The following CA14 variants were observed in gnomAD, a reference collection of about 807,000 sequenced individuals.
The protein encoded by CA14 is CA-XIV.
A neutral mutation model predicts 48.8 loss-of-function variants in CA14; 44 were observed. The ratio of observed to expected loss-of-function variants is 0.90; its 90% CI spans 0.71 to 1.16. The LOEUF is 1.16. CA14 is among the 50% of genes most tolerant of loss of function. The pLI is 0.00. For synonymous variants in CA14, 154 were observed against 155.0 expected (o/e 0.99, Z 0.05); for missense variants, 386 against 401.0 (o/e 0.96, Z 0.32).
intron 7 of CA14, 26 bp from the exon 8 acceptor site, chr1:150,263,273 A>C: frequency 6.2e-7 from 1 of 1,613,434 alleles, no homozygotes; most frequent in Non-Finnish European, 8.5e-7. Context: ...CCAAAGTAAC[A>C]CCTCTCCCAC....
At chr1:150,260,399 G>A in intron 2 of CA14, 1 of 637,232 alleles carries the variant, frequency 1.6e-6, no homozygotes, top group East Asian at 2.9e-5. Flanking sequence ...TAAGTCCTCA[G>A]TAAATCGTGT....
intron 10 of CA14, 66 bp from the exon 11 acceptor site, chr1:150,264,524 TCTC>T (rs1186053242): frequency 2.0e-5 from 18 of 892,486 alleles, no homozygotes; most frequent in African/African-American, 1.7e-5. Context: ...TAAAAAGCAT[TCTC>T]CTATTTCACC....
chr1:150,262,262 T>A lies in CA14; in HGVS notation c.361T>A (p.Ser121Thr). 1 of 1,610,112 alleles carries A rather than the reference T, an allele frequency of 6.2e-7. No individual in the cohort carries two copies. Among genetic ancestry groups the A allele is most frequent in the Non-Finnish European group, 8.5e-7 (1 of 1,178,274 alleles). ...GGGTCAGAAAGGATCCCCAGGGGGG[T>A]CAGAACACCAGATCAACAGTGAAGC... ...HWGQKGSPGG[S>T]EHQINSEATF... The change falls in exon 4 of 11, where the codon TCA becomes ACA. Residue 121 changes from serine to threonine, a missense_variant. Transcript: ENST00000369111.
In CA14 at chr1:150,262,144, T is replaced by C; in HGVS notation, c.257-14T>C. 1 of 1,614,142 alleles carries C rather than the reference T, an allele frequency of 6.2e-7. No individual in the cohort carries two copies. Among genetic ancestry groups the C allele is most frequent in the East Asian group, 2.2e-5 (1 of 44,878 alleles). On this transcript the variant is annotated splice_polypyrimidine_tract_variant and intron_variant, in intron 3 of 10. Coordinates refer to ENST00000369111, the MANE Select transcript of CA14 (RefSeq NM_012113.3). Reference sequence around the variant, plus strand: ...CATGCCTCCACCAATCCGAGTTTGCTCTTTTCCTCACAGTGCAACTCTCTC... The same window carrying C: ...CATGCCTCCACCAATCCGAGTTTGCCCTTTTCCTCACAGTGCAACTCTCTC...
At position 150,261,568 on chromosome 1, in the gene CA14, T is replaced by G; in HGVS notation, c.186T>G (p.Pro62=). The change falls in exon 3 of 11, where the codon CCT becomes CCG. Residue 62 remains proline (P), a synonymous_variant. Transcript: ENST00000369111. ...GTGTGACATTTGACCCTGATTTGCC[T>G]GCTCTGCAGCCCCACGGATATGACC... ...TDSVTFDPDL[P]ALQPHGYDQP... is the part of the protein sequence containing the mutation. 1 of 1,614,218 alleles carries G rather than the reference T, an allele frequency of 6.2e-7. No individual in the cohort carries two copies. The highest frequency in any genetic ancestry group is 8.5e-7 in the Non-Finnish European group (1 of 1,180,046).
chr1:150,262,226 C>T lies in CA14; in HGVS notation c.325C>T (p.His109Tyr), dbSNP rs1572068020. Reference sequence around the variant, plus strand: ...CCGAAAATATGTAGCTGCCCAGCTCCACCTGCACTGGGGTCAGAAAGGATC... The same window carrying T: ...CCGAAAATATGTAGCTGCCCAGCTCTACCTGCACTGGGGTCAGAAAGGATC... ...LPRKYVAAQLHLHWGQKGSPG... is the reference protein window; with the variant it reads ...LPRKYVAAQLYLHWGQKGSPG... Residue 109 changes from histidine to tyrosine, a missense_variant, in exon 4 of 11, where the codon CAC becomes TAC. Transcript: ENST00000369111. 1 of 1,613,936 alleles carries T rather than the reference C, an allele frequency of 6.2e-7. No individual in the cohort carries two copies. Among genetic ancestry groups the T allele is most frequent in the Non-Finnish European group, 8.5e-7 (1 of 1,179,788 alleles).
intron 4 of CA14, 93 bp downstream of exon 4, chr1:150,262,393 G>T: frequency 6.6e-7 from 1 of 1,519,466 alleles, no homozygotes; most frequent in African/African-American, 1.4e-5. Flanking sequence ...GTCATGCTGG[G>T]GGGATAAGGC....
At chr1:150,263,446 G>A in intron 8 of CA14, 27 bp downstream of exon 8, 2 of 1,612,310 alleles carry the variant, frequency 1.2e-6, no homozygotes, top group Non-Finnish European at 1.7e-6. Flanking sequence ...CAGAAGAGAT[G>A]GGAAACTGAG....
At chr1:150,264,298 G>A (rs1333277721) in intron 10 of CA14, among the ~76,000 whole-genome samples, 1 of 152,032 alleles carries the variant, frequency 6.6e-6, no homozygotes, top group African/African-American at 2.4e-5. Flanking sequence ...CACCTCCCGG[G>A]CTCAAGTGGT....
chr1:150,262,045 T>A, intron 3 of CA14, 113 bp from the exon 4 acceptor site: 1 of 1,226,808 alleles, frequency 8.2e-7, no homozygotes, highest in Admixed American at 1.8e-5. Flanking sequence ...AACTGGGTGC[T>A]ACTGGGGGAG....
intron 10 of CA14, among the ~76,000 whole-genome samples, chr1:150,264,296 G>A (rs373804266): frequency 5.9e-5 from 9 of 152,034 alleles, no homozygotes; most frequent in East Asian, 3.9e-4. Context: ...TCCACCTCCC[G>A]GGCTCAAGTG....
At chr1:150,260,518 A>T (rs587731618) in intron 2 of CA14, 13 of 398,662 alleles carry the variant, frequency 3.3e-5, no homozygotes, top group South Asian at 1.9e-4. Context: ...CCTAACCTGC[A>T]TCTGAAATTG....
intron 1 of CA14, 69 bp downstream of exon 1, chr1:150,258,252 G>T (rs1280106377): frequency 1.1e-4 from 144 of 1,329,090 alleles, no homozygotes; most frequent in Non-Finnish European, 1.5e-4. Flanking sequence ...GTGCTTAATG[G>T]GGGGAGGAGA....
At chr1:150,261,427 A>G (rs1158447929) in intron 2 of CA14, 32 bp from the exon 3 acceptor site, 2 of 1,600,828 alleles carry the variant, frequency 1.2e-6, no homozygotes. Flanking sequence ...GAGCTGGAGG[A>G]CAGGACCAAT....
In CA14 at chr1:150,262,857, A is replaced by T. The variant is rs1651183884; in HGVS notation, c.549A>T (p.Glu183Asp). 1 of 1,612,616 alleles carries T rather than the reference A, an allele frequency of 6.2e-7. No homozygotes were observed. The highest frequency in any genetic ancestry group is 1.3e-5 in the African/African-American group (1 of 75,004). ...AACACATTCTGAGTCACTTGCATGAAGTCAGGCATAAAGGTGAGCCTTAAA... is the reference window on the plus strand; with the variant it reads ...AACACATTCTGAGTCACTTGCATGATGTCAGGCATAAAGGTGAGCCTTAAA... ...AYEHILSHLH[E>D]VRHKDQKTSV... Residue 183 changes from glutamate to aspartate, a missense_variant, in exon 6 of 11, where the codon GAA (glutamate) becomes GAT (aspartate). Glu to Asp is a conservative substitution (Grantham distance 45). Transcript: ENST00000369111.
intron 2 of CA14, chr1:150,261,184 G>A (rs1196251420): frequency 2.2e-6 from 1 of 452,970 alleles, no homozygotes; most frequent in Non-Finnish European, 4.0e-6. Context: ...CAAAATACAG[G>A]TAAGTAAAAG....
At position 150,263,205 on chromosome 1, in the gene CA14, T is replaced by C; in HGVS notation, c.720+6T>C. ...CCCAGATTTCAATGGAACAGGTAAG[T>C]GGTGGAGAAACGAGGTGAGGTGAGA... On this transcript the variant is annotated splice_donor_region_variant and intron_variant, in intron 7 of 10. Transcript: ENST00000369111. The C allele has an allele frequency of 6.2e-7, 1 of 1,614,022 alleles. No individual in the cohort carries two copies. The highest frequency in any genetic ancestry group is 8.5e-7 in the Non-Finnish European group (1 of 1,179,974).
intron 1 of CA14, 46 bp downstream of exon 1, chr1:150,258,229 CAT>C (rs781831845): frequency 1.6e-4 from 246 of 1,537,896 alleles, no homozygotes; most frequent in Admixed American, 2.4e-4. Context: ...CTGATGTTCA[CAT>C]GTCGCCAGGT....
At position 150,263,101 on chromosome 1, in the gene CA14, C is replaced by T. The variant is rs1305744518; in HGVS notation, c.622C>T (p.Gln208Ter). 1.9e-6 allele frequency: 3 copies of T among 1,614,038 alleles called. No homozygotes were observed. Among genetic ancestry groups the T allele is most frequent in the Non-Finnish European group, 2.5e-6 (3 of 1,179,926 alleles). Residue 208 changes from glutamine to a stop codon, truncating the protein, a stop_gained, in exon 7 of 11, where the codon CAG becomes TAG. Transcript: ENST00000369111. LOFTEE classifies it high-confidence loss of function. ...AGAGCTGCTCCCCAAACAGCTGGGG[C>T]AGTACTTCCGCTACAATGGCTCGCT... is the stretch of plus-strand genomic sequence containing the variant. ...LRELLPKQLG[Q>*]YFRYNGSLTT...
Sources: gnomAD v4.1 joint callset for allele counts (sites outside exome capture counted in the v4.1 genomes callset) on GRCh38, gnomAD v4.1.1 for gene constraint, MANE v1.5 for transcripts, NCBI Gene and HGNC (gene_info 2026-07-23, HGNC 2026-07-21) for gene names.